The following MAP6 variants were observed in gnomAD, a reference collection of about 807,000 sequenced individuals.
The protein encoded by MAP6 is microtubule associated protein 6, also known as microtubule-associated protein 6.
MAP6 carries 26 observed loss-of-function variants against 42.4 expected under a neutral mutation model. That is an observed-to-expected ratio of 0.61 (90% CI 0.45 to 0.85). The LOEUF (loss-of-function observed/expected upper bound fraction) is 0.85. Among genes scored for constraint, MAP6 ranks in the 40% least tolerant of loss-of-function variants. MAP6 has a pLI of 0.00. For synonymous variants in MAP6, 418 were observed against 443.8 expected (o/e 0.94, Z 0.73); for missense variants, 966 against 1,099.0 (o/e 0.88, Z 1.71).
At chr11:75,617,382 G>A (rs2135603715) in intron 1 of MAP6, among the ~76,000 whole-genome samples, 1 of 151,940 alleles carries the variant, frequency 6.6e-6, no homozygotes, top group Non-Finnish European at 1.5e-5. Context: ...CAGGTGTGGT[G>A]GCGGGTGCTT....
chr11:75,656,900 T>C (rs1234463928), intron 1 of MAP6, among the ~76,000 whole-genome samples: 4 of 152,200 alleles, frequency 2.6e-5, no homozygotes, highest in Admixed American at 1.3e-4. Context: ...ATATAGAACA[T>C]TTCCAACACC....
In MAP6 at chr11:75,667,466, T is replaced by G. The variant is rs1027357000; in HGVS notation, c.904A>C (p.Arg302=). ...EVASAVSSSY[R]NEFRAWTDIK... ...GCGCTAGCAGCGGCCGCGTCTCACC[T>G]GTAGGAGCTGCTCACTGCACTCGCC... Residue 302 remains arginine (R), a splice_region_variant and synonymous_variant, in exon 1 of 4, where the codon AGG becomes CGG. Coordinates refer to ENST00000304771, the MANE Select transcript of MAP6 (RefSeq NM_033063.2). The surrounding 1 kb of genome is among the most constrained non-coding windows in gnomAD (Gnocchi z 5.6). 3.3e-6 allele frequency: 5 copies of G among 1,500,498 alleles called. No homozygotes were observed. In the Admixed American group the frequency reaches 6.4e-5, roughly 19 times the overall value. 92.9% of individuals were successfully genotyped at this position (1,500,498 alleles called of 1,614,324 possible).
At chr11:75,665,323 T>G (rs1943929291) in intron 1 of MAP6, among the ~76,000 whole-genome samples, 1 of 152,180 alleles carries the variant, frequency 6.6e-6, no homozygotes, top group Non-Finnish European at 1.5e-5. Flanking sequence ...GTGCGTTATA[T>G]TCAAAGGATG....
chr11:75,657,255 C>T (rs961752560), intron 1 of MAP6, among the ~76,000 whole-genome samples: 39 of 152,050 alleles, frequency 2.6e-4, no homozygotes, highest in African/African-American at 9.2e-4. Context: ...GGACTACAGG[C>T]GCCCACCACC....
Position 75,587,550 on chromosome 11 carries a change from T to C in MAP6, c.1951A>G (p.Ser651Gly). 6.2e-7 allele frequency: 1 copy of C among 1,614,134 alleles called. No homozygotes were observed. Among genetic ancestry groups the C allele is most frequent in the Non-Finnish European group, 8.5e-7 (1 of 1,180,014 alleles). The change falls in exon 4 of 4, where the codon AGT becomes GGT. Residue 651 changes from serine to glycine, a missense_variant. By Grantham distance (56) the Ser-to-Gly change is moderately conservative. This residue lies in a region of MAP6 where 943 missense variants were observed against 1,049.9 expected (regional missense o/e 0.90). Transcript: ENST00000304771. Reference sequence around the variant, plus strand: ...TTTATGGGTGCTGTGGCCATGGCACTTTCATCCTTCGGATGCTCTGGGACC... The same window carrying C: ...TTTATGGGTGCTGTGGCCATGGCACCTTCATCCTTCGGATGCTCTGGGACC... Reference protein sequence around the residue: ...PMVPEHPKDESAMATAPIKNQ... With the variant: ...PMVPEHPKDEGAMATAPIKNQ...
At chr11:75,628,981 GA>G (rs1428605161) in intron 1 of MAP6, among the ~76,000 whole-genome samples, 1 of 152,146 alleles carries the variant, frequency 6.6e-6, no homozygotes, top group African/African-American at 2.4e-5. Flanking sequence ...TTACATGTTG[GA>G]ACACAGAGGC....
intron 1 of MAP6, among the ~76,000 whole-genome samples, chr11:75,608,974 T>C (rs1311232069): frequency 6.6e-6 from 1 of 152,180 alleles, no homozygotes; most frequent in African/African-American, 2.4e-5. Context: ...AGACTGAACA[T>C]AATTTGGAGA....
At chr11:75,610,648 A>G (rs765093581) in intron 1 of MAP6, among the ~76,000 whole-genome samples, 2 of 152,214 alleles carry the variant, frequency 1.3e-5, no homozygotes, top group Non-Finnish European at 2.9e-5. Context: ...TAGTTTTGGA[A>G]AGAGAATTTT....
intron 3 of MAP6, chr11:75,604,632 TACAAC>T: frequency 1.0e-6 from 1 of 985,312 alleles, no homozygotes; most frequent in Non-Finnish European, 1.2e-6. Flanking sequence ...GACTAATTCC[TACAAC>T]ACAACTCTAG....
rs939565591 is a variant in MAP6 at position 75,667,137 on chromosome 11, C to T, written c.905+328G>A. ...GCAGCAGGTGAGTTGGATGGGGGCA[C>T]GACGGAAGCACAGCCTCTGCTGACA... On this transcript the variant is annotated intron_variant, in intron 1 of 3. Coordinates refer to ENST00000304771, the MANE Select transcript of MAP6 (RefSeq NM_033063.2). The surrounding 1 kb of genome is among the most constrained non-coding windows in gnomAD (Gnocchi z 5.6). Among the ~76,000 whole-genome samples, 2 of 151,722 alleles carry T rather than the reference C, an allele frequency of 1.3e-5. No homozygotes were observed. Among genetic ancestry groups the T allele is most frequent in the Non-Finnish European group, 2.9e-5 (2 of 67,954 alleles).
intron 1 of MAP6, among the ~76,000 whole-genome samples, chr11:75,658,747 C>A (rs1197206287): frequency 6.6e-6 from 1 of 152,200 alleles, no homozygotes; most frequent in Admixed American, 6.5e-5. Context: ...ATGATACTTC[C>A]AAGTTCTGCC....
At chr11:75,600,988 G>A (rs1696791970) in intron 3 of MAP6, among the ~76,000 whole-genome samples, 1 of 152,226 alleles carries the variant, frequency 6.6e-6, no homozygotes, top group Admixed American at 6.5e-5. Flanking sequence ...TTTGTTTGCT[G>A]TTTCAGGGAG....
chr11:75,669,034 C>T lies in MAP6; in HGVS notation c.-665G>A. On this transcript the variant is annotated 5_prime_UTR_variant, in exon 1 of 4. Coordinates refer to ENST00000304771, the MANE Select transcript of MAP6 (RefSeq NM_033063.2). ...GCAGCCGCTGCCGCCGCCGCCTCTGCCTCTGCTGCAGGGAAGCGGCCCCAC... is the reference window on the plus strand; with the variant it reads ...GCAGCCGCTGCCGCCGCCGCCTCTGTCTCTGCTGCAGGGAAGCGGCCCCAC... The T allele has an allele frequency of 6.1e-6, 1 of 163,510 alleles. No individual in the cohort carries two copies. The highest frequency in any genetic ancestry group is 1.4e-4 in the South Asian group (1 of 7,216). 10.1% of individuals were successfully genotyped at this position (163,510 alleles called of 1,614,324 possible). A position where few individuals can be genotyped will look rare whatever the true frequency, so the allele number is the denominator to read the frequency against.
Position 75,629,499 on chromosome 11 carries a change from A to AT in MAP6, c.906-21178dup, listed in dbSNP as rs200214626. 4.5e-3 allele frequency among the ~76,000 whole-genome samples: 681 copies of AT among 152,166 alleles called. 5 individuals carry two copies. The highest frequency in any genetic ancestry group is 0.015 in the African/African-American group (642 of 41,498). ...TTCTGGCATCCTGCATATGAAGTACATTTTTTTCCCTGAATTAATTCTGTC... is the reference window on the plus strand; with the variant it reads ...TTCTGGCATCCTGCATATGAAGTACATTTTTTTTCCCTGAATTAATTCTGTC... On this transcript the variant is annotated intron_variant, in intron 1 of 3. Coordinates refer to ENST00000304771, the MANE Select transcript of MAP6 (RefSeq NM_033063.2).
Position 75,667,443 on chromosome 11 carries a change from G to T in MAP6, c.905+22C>A. 6.9e-7 allele frequency: 1 copy of T among 1,456,176 alleles called. No individual in the cohort carries two copies. Among genetic ancestry groups the T allele is most frequent in the Non-Finnish European group, 9.0e-7 (1 of 1,111,412 alleles). The allele number at this position is 1,456,176 out of a possible 1,614,324, so 90.2% of individuals were successfully genotyped here. ...AGGGTCTGCGTGGTGACTCCCCCGC[G>T]CTAGCAGCGGCCGCGTCTCACCTGT... On this transcript the variant is annotated intron_variant, in intron 1 of 3. Transcript: ENST00000304771. This position sits in a 1 kb window ranked among gnomAD's most constrained non-coding sequence, Gnocchi z 5.6.
intron 1 of MAP6, among the ~76,000 whole-genome samples, chr11:75,647,975 A>T (rs75417013): frequency 0.016 from 2,408 of 152,306 alleles, 54 homozygotes; most frequent in African/African-American, 0.056. Context: ...CCAACAAAAT[A>T]CAGAGCCCAG....
chr11:75,588,329 T>C, intron 3 of MAP6, 145 bp from the exon 4 acceptor site: 1 of 650,600 alleles, frequency 1.5e-6, no homozygotes, highest in Non-Finnish European at 2.6e-6. Flanking sequence ...GATTTCTGTG[T>C]TCTTAGTACA....
chr11:75,605,463 C>T, intron 3 of MAP6: 1 of 1,065,488 alleles, frequency 9.4e-7, no homozygotes, highest in Non-Finnish European at 1.1e-6. Context: ...GGAGGAGACC[C>T]CACAGACACT....
chr11:75,652,228 A>C (rs908106191), intron 1 of MAP6, among the ~76,000 whole-genome samples: 1 of 152,204 alleles, frequency 6.6e-6, no homozygotes, highest in African/African-American at 2.4e-5. Context: ...AATATTTACT[A>C]TCTGTCCCTC....
Sources: gnomAD v4.1 joint callset for allele counts (sites outside exome capture counted in the v4.1 genomes callset) on GRCh38, gnomAD v4.1.1 for gene constraint, gnomAD v4.1.1 regional missense constraint, Gnocchi (gnomAD v3.1) non-coding constraint, MANE v1.5 for transcripts, NCBI Gene and HGNC (gene_info 2026-07-23, HGNC 2026-07-21) for gene names.